The following HDAC11 variants were observed in gnomAD, a reference collection of about 807,000 sequenced individuals.
The protein encoded by HDAC11 is histone deacetylase 11.
A neutral mutation model predicts 41.1 loss-of-function variants in HDAC11; 23 were observed. That is an observed-to-expected ratio of 0.56 (90% CI 0.40 to 0.79). HDAC11 has a LOEUF of 0.79. Ranked by LOEUF, HDAC11 falls within the 30% of genes least tolerant of loss-of-function variation. HDAC11 has a pLI of 0.00. For synonymous variants in HDAC11, 187 were observed against 186.6 expected, an observed-to-expected ratio of 1.00 and a Z score of -0.02; for missense variants, 402 against 477.3, an observed-to-expected ratio of 0.84 and a Z score of 1.47.
chr3:13,481,413 G>A lies in HDAC11; in HGVS notation c.151+19G>A. The A allele has an allele frequency of 6.2e-7, 1 of 1,613,092 alleles. No homozygotes were observed. On this transcript the variant is annotated intron_variant, in intron 2 of 9. Transcript: ENST00000295757. Reference sequence around the variant, plus strand: ...CTAAAAGGTATGGAAGGTCCCCCTTGGACTCTCATCTGCTTCCTCCAACCC... The same window carrying A: ...CTAAAAGGTATGGAAGGTCCCCCTTAGACTCTCATCTGCTTCCTCCAACCC...
intron 2 of HDAC11, 55 bp downstream of exon 2, chr3:13,481,449 T>A: frequency 6.3e-7 from 1 of 1,585,120 alleles, no homozygotes; most frequent in Non-Finnish European, 8.6e-7. Context: ...ACCTGTCCTC[T>A]CCGTCCTCAT....
chr3:13,501,732 G>A, intron 6 of HDAC11, 139 bp from the exon 7 acceptor site: 1 of 770,090 alleles, frequency 1.3e-6, no homozygotes, highest in Non-Finnish European at 2.4e-6. Context: ...CCTGGCAAGT[G>A]ACATCTTTGC....
chr3:13,483,691 A>C (rs1233583962), intron 3 of HDAC11, 127 bp downstream of exon 3: 3 of 699,956 alleles, frequency 4.3e-6, no homozygotes, highest in Non-Finnish European at 7.7e-6. Flanking sequence ...TCATGTCCCT[A>C]GTGTTGGAGG....
chr3:13,504,206 G>A lies in HDAC11; in HGVS notation c.762G>A (p.Val254=), dbSNP rs771534726. 5.6e-6 allele frequency: 9 copies of A among 1,613,934 alleles called. No individual in the cohort carries two copies. The Middle Eastern group carries it at 4.9e-4, about 89-fold the overall frequency. ...TCCAGGAGCACCTGCCCGACGTGGT[G>A]GTATACAATGCAGGCACCGACATCC... ...KSLQEHLPDV[V]VYNAGTDILE... Residue 254 remains valine, a synonymous_variant, in exon 9 of 10, where the codon GTG becomes GTA. Transcript: ENST00000295757.
chr3:13,501,037 G>A lies in HDAC11; in HGVS notation c.489+248G>A, dbSNP rs567772750. 8.5e-4 allele frequency among the ~76,000 whole-genome samples: 129 copies of A among 152,322 alleles called. 1 individual carries two copies. Among genetic ancestry groups the A allele is most frequent in the African/African-American group, 2.4e-3 (98 of 41,574 alleles). The stretch of plus-strand genomic sequence containing the variant: ...TATTCCAGCCTCCCACAGAGCCAGG[G>A]GACTAGAGAGGGTCAGGATCTGCTG... On this transcript the variant is annotated intron_variant, in intron 6 of 9. Transcript: ENST00000295757.
intron 9 of HDAC11, 27 bp from the exon 10 acceptor site, chr3:13,504,441 T>C (rs913708141): frequency 6.2e-7 from 1 of 1,611,428 alleles, no homozygotes; most frequent in African/African-American, 1.3e-5. Context: ...CTGGCCTGCC[T>C]GAGTCACCCT....
chr3:13,497,015 T>C (rs949111724), intron 4 of HDAC11, among the ~76,000 whole-genome samples, 163 bp downstream of exon 4: 1 of 152,188 alleles, frequency 6.6e-6, no homozygotes, highest in South Asian at 2.1e-4. Flanking sequence ...AAAGCCTTTT[T>C]TCCCCATCTT....
rs756417743 is a variant in HDAC11, at chr3:13,504,272, G to T, written c.828G>T (p.Ala276=). Residue 276 remains alanine (A), a splice_region_variant and synonymous_variant, in exon 9 of 10, where the codon GCG becomes GCT. Transcript: ENST00000295757. ...DRLGGLSISP[A]GIVKRDELVF... is the part of the protein sequence containing the mutation. ...TTGGGGGGCTGTCCATCAGCCCAGC[G>T]GTACGTCCTGACCCTTGGGGCCACG... 1 of 1,613,086 alleles carries T rather than the reference G, an allele frequency of 6.2e-7. No individual in the cohort carries two copies. The highest frequency in any genetic ancestry group is 8.5e-7 in the Non-Finnish European group (1 of 1,179,962).
intron 2 of HDAC11, 29 bp downstream of exon 2, chr3:13,481,423 C>G (rs1364615272): frequency 6.2e-7 from 1 of 1,611,106 alleles, no homozygotes; most frequent in Admixed American, 1.7e-5. Context: ...GGACTCTCAT[C>G]TGCTTCCTCC....
At chr3:13,497,866 T>TTC (rs1229894932) in intron 4 of HDAC11, among the ~76,000 whole-genome samples, 2 of 144,572 alleles carry the variant, frequency 1.4e-5, no homozygotes, top group East Asian at 4.0e-4. Flanking sequence ...TTTTTTTTTT[T>TTC]TTTTTTTGAG....
chr3:13,496,773 C>T lies in HDAC11; in HGVS notation c.290C>T (p.Pro97Leu). 1 of 1,608,726 alleles carries T rather than the reference C, an allele frequency of 6.2e-7. No individual in the cohort carries two copies. The highest frequency in any genetic ancestry group is 8.5e-7 in the Non-Finnish European group (1 of 1,177,676). ...GTTGCTACCATCACAGAAATCCCCC[C>T]CGTTATCTTCCTCCCCAACTTCCTT... ...FAVATITEIP[P>L]VIFLPNFLVQ... is the part of the protein sequence containing the mutation. Residue 97 changes from proline (P) to leucine (L), a missense_variant, in exon 4 of 10, where the codon CCC becomes CTC. Coordinates refer to ENST00000295757, the MANE Select transcript of HDAC11 (RefSeq NM_024827.4).
Position 13,502,659 on chromosome 3 carries a change from A to C in HDAC11, c.553-225A>C. 6.4e-6 allele frequency: 3 copies of C among 465,952 alleles called. No homozygotes were observed. The highest frequency in any genetic ancestry group is 7.8e-6 in the Non-Finnish European group (2 of 256,022). 28.9% of individuals were successfully genotyped at this position (465,952 alleles called of 1,614,324 possible). On this transcript the variant is annotated intron_variant, in intron 7 of 9. Coordinates refer to ENST00000295757, the MANE Select transcript of HDAC11 (RefSeq NM_024827.4). The surrounding 1 kb of genome is among the most constrained non-coding windows in gnomAD (Gnocchi z 4.1). ...GCGGGATTTCTTCCTCTGATAGGGAACCTAAGAGCACTGGGCTTGCTCAAG... is the reference window on the plus strand; with the variant it reads ...GCGGGATTTCTTCCTCTGATAGGGACCCTAAGAGCACTGGGCTTGCTCAAG...
rs762127004 is a variant in HDAC11 at position 13,504,433 on chromosome 3, GGCCT to G, written c.829-29_829-26del. ...GGACTTCCTGACACCATGGGGGTCT[GGCCT>G]GCCTGAGTCACCCTCCTCTTCCCCT... On this transcript the variant is annotated intron_variant, in intron 9 of 9. Transcript: ENST00000295757. The G allele has an allele frequency of 3.1e-6, 5 of 1,610,146 alleles. No homozygotes were observed. In the African/African-American group the frequency reaches 6.7e-5, roughly 21 times the overall value.
chr3:13,502,782 T>G lies in HDAC11; in HGVS notation c.553-102T>G. 1.2e-6 allele frequency: 1 copy of G among 818,296 alleles called. No individual in the cohort carries two copies. The highest frequency in any genetic ancestry group is 2.5e-5 in the East Asian group (1 of 39,716). 50.7% of individuals were successfully genotyped at this position (818,296 alleles called of 1,614,324 possible). On this transcript the variant is annotated intron_variant, in intron 7 of 9. Transcript: ENST00000295757. The surrounding 1 kb of genome is among the most constrained non-coding windows in gnomAD (Gnocchi z 4.1). The stretch of plus-strand genomic sequence containing the variant: ...TGCTGCCCCCGAGAGCAGGCCGTGC[T>G]GCCCTGGCAAATGGGGAGTTTCCTG...
rs1198513516 is a variant in HDAC11 at position 13,481,287 on chromosome 3, G to A, written c.44G>A (p.Arg15His). The A allele has an allele frequency of 2.5e-6, 4 of 1,612,644 alleles. No homozygotes were observed. Among genetic ancestry groups the A allele is most frequent in the Non-Finnish European group, 3.4e-6 (4 of 1,180,002 alleles). Reference protein sequence around the residue: ...TQLYQHVPETRWPIVYSPRYN... With the variant: ...TQLYQHVPETHWPIVYSPRYN... ...CTGTACCAGCATGTGCCAGAGACAC[G>A]CTGGCCAATCGTGTACTCGCCGCGC... Residue 15 changes from arginine to histidine, a missense_variant, in exon 2 of 10, where the codon CGC becomes CAC. Coordinates refer to ENST00000295757, the MANE Select transcript of HDAC11 (RefSeq NM_024827.4).
In HDAC11 at chr3:13,480,313, G is replaced by C; in HGVS notation, c.-35G>C. 2 of 1,234,458 alleles carry C rather than the reference G, an allele frequency of 1.6e-6. No homozygotes were observed. Among genetic ancestry groups the C allele is most frequent in the Non-Finnish European group, 1.0e-6 (1 of 989,272 alleles). 76.5% of individuals were successfully genotyped at this position (1,234,458 alleles called of 1,614,324 possible). A position where few individuals can be genotyped will look rare whatever the true frequency, so the allele number is the denominator to read the frequency against. ...CCCCGCCCCGCCCCGCCCGGTCGCG[G>C]AGCTGCGGCCAGCTTTGGGAGGGCC... On this transcript the variant is annotated 5_prime_UTR_variant, in exon 1 of 10. Coordinates refer to ENST00000295757, the MANE Select transcript of HDAC11 (RefSeq NM_024827.4). The surrounding 1 kb of genome is among the most constrained non-coding windows in gnomAD (Gnocchi z 4.6).
At chr3:13,483,353 C>A (rs1574884463) in intron 2 of HDAC11, 111 bp from the exon 3 acceptor site, 6 of 847,522 alleles carry the variant, frequency 7.1e-6, no homozygotes, top group African/African-American at 1.7e-5. Flanking sequence ...TGCCTACCTA[C>A]CCCTGGGGCA....
At chr3:13,492,023 G>T (rs1334623212) in intron 3 of HDAC11, among the ~76,000 whole-genome samples, 1 of 152,224 alleles carries the variant, frequency 6.6e-6, no homozygotes, top group Non-Finnish European at 1.5e-5. Flanking sequence ...GATGCTGCTG[G>T]TCTGAGAACC....
In HDAC11 at chr3:13,492,786, C is replaced by T. The variant is rs117759529; in HGVS notation, c.253-3950C>T. Among the ~76,000 whole-genome samples, 39 of 152,226 alleles carry T rather than the reference C, an allele frequency of 2.6e-4. 1 individual carries two copies. The East Asian group carries it at 7.3e-3, about 29-fold the overall frequency. ...CGTGAACTCTGGACCTCAAGTAATCCGCCTACCTCAGCCTCCCAAAGTTCT... is the reference window on the plus strand; with the variant it reads ...CGTGAACTCTGGACCTCAAGTAATCTGCCTACCTCAGCCTCCCAAAGTTCT... On this transcript the variant is annotated intron_variant, in intron 3 of 9. Coordinates refer to ENST00000295757, the MANE Select transcript of HDAC11 (RefSeq NM_024827.4).
Sources: gnomAD v4.1 joint callset for allele counts (sites outside exome capture counted in the v4.1 genomes callset) on GRCh38, gnomAD v4.1.1 for gene constraint, Gnocchi (gnomAD v3.1) non-coding constraint, MANE v1.5 for transcripts, NCBI Gene and HGNC (gene_info 2026-07-23, HGNC 2026-07-21) for gene names.